Variants in EXOC6B observed in about 807,000 individuals in gnomAD.
EXOC6B encodes exocyst complex component 6B, also known as SEC15 homolog B.
In EXOC6B, 54 loss-of-function variants were observed where a neutral mutation model predicts 113.5. That is an observed-to-expected ratio of 0.48 (90% CI 0.38 to 0.60). EXOC6B has a LOEUF of 0.60. Ranked by LOEUF, EXOC6B falls within the 20% of genes least tolerant of loss-of-function variation. The pLI, the probability that EXOC6B is intolerant of heterozygous loss-of-function variation, is 0.00. For synonymous variants in EXOC6B, 357 were observed against 339.0 expected (o/e 1.05, Z -0.58); for missense variants, 797 against 977.5 (o/e 0.82, Z 2.46).
chr2:72,624,457 T>G (rs1671930789), intron 6 of EXOC6B, among the ~76,000 whole-genome samples: 1 of 152,138 alleles, frequency 6.6e-6, no homozygotes, highest in Non-Finnish European at 1.5e-5. Context: ...TGCTCTGATT[T>G]TGACCGGGTG....
chr2:72,349,014 C>G (rs910482561), intron 19 of EXOC6B, among the ~76,000 whole-genome samples: 1 of 152,172 alleles, frequency 6.6e-6, no homozygotes, highest in Admixed American at 6.6e-5. Context: ...GTCTCATACT[C>G]TAAATTAATG....
intron 18 of EXOC6B, among the ~76,000 whole-genome samples, chr2:72,405,642 A>G (rs985702871): frequency 1.2e-4 from 18 of 152,206 alleles, no homozygotes; most frequent in African/African-American, 4.3e-4. Context: ...CTTTACAGAC[A>G]AGCAAATGCT....
chr2:72,301,664 T>C (rs1300604030), intron 20 of EXOC6B, among the ~76,000 whole-genome samples: 1 of 152,038 alleles, frequency 6.6e-6, no homozygotes, highest in African/African-American at 2.4e-5. Context: ...CTGATGGTTA[T>C]TTGTATTTTT....
intron 20 of EXOC6B, among the ~76,000 whole-genome samples, chr2:72,202,064 C>A (rs1273195123): frequency 6.6e-6 from 1 of 152,142 alleles, no homozygotes; most frequent in Admixed American, 6.5e-5. Context: ...TCTTGTGTGG[C>A]TAAGCAATAA....
rs190753031 is a variant in EXOC6B, at chr2:72,370,065, T to C, written c.2122+9664A>G. ...ACAGCAAAAGGAACTAACATCAGAG[T>C]GAACAGGCAACCTACAGAATGGGAA... is the stretch of plus-strand genomic sequence containing the variant. On this transcript the variant is annotated intron_variant, in intron 19 of 21. Transcript: ENST00000272427. Among the ~76,000 whole-genome samples the C allele has an allele frequency of 4.0e-3, 611 of 152,024 alleles. 1 individual carries two copies. The highest frequency in any genetic ancestry group is 0.01 in the South Asian group (50 of 4,804).
At chr2:72,196,265 T>G (rs76016144) in intron 20 of EXOC6B, among the ~76,000 whole-genome samples, 3,015 of 152,298 alleles carry the variant, frequency 0.02, 91 homozygotes, top group African/African-American at 0.066. Flanking sequence ...TATGAGTCAT[T>G]ATTACAAATT....
chr2:72,739,693 T>C (rs893705829), intron 2 of EXOC6B, among the ~76,000 whole-genome samples: 2 of 152,144 alleles, frequency 1.3e-5, no homozygotes, highest in Admixed American at 6.5e-5. Flanking sequence ...AATTTCAATA[T>C]GTTGAATAAG....
At chr2:72,311,059 T>G (rs1243730439) in intron 20 of EXOC6B, among the ~76,000 whole-genome samples, 1 of 152,340 alleles carries the variant, frequency 6.6e-6, no homozygotes, top group Non-Finnish European at 1.5e-5. Context: ...TGCATTCTGC[T>G]ATTGTATAGA....
chr2:72,550,603 C>A (rs1212378317), intron 8 of EXOC6B, among the ~76,000 whole-genome samples: 2 of 152,246 alleles, frequency 1.3e-5, no homozygotes, highest in South Asian at 4.1e-4. Context: ...AATACTTCAA[C>A]AGTAGGGAAT....
chr2:72,458,744 TA>T (rs1377067500), intron 18 of EXOC6B, among the ~76,000 whole-genome samples: 7 of 152,058 alleles, frequency 4.6e-5, no homozygotes, highest in Non-Finnish European at 7.4e-5. Flanking sequence ...ACTCTACAGG[TA>T]AAAGCATGCA....
intron 1 of EXOC6B, among the ~76,000 whole-genome samples, chr2:72,776,295 A>G (rs2104968529): frequency 6.6e-6 from 1 of 152,306 alleles, no homozygotes; most frequent in East Asian, 1.9e-4. Context: ...CCACAAAGAA[A>G]AAGACTGGTC....
At chr2:72,560,110 G>A (rs922202237) in intron 7 of EXOC6B, among the ~76,000 whole-genome samples, 3 of 151,988 alleles carry the variant, frequency 2.0e-5, no homozygotes, top group Admixed American at 1.3e-4. Context: ...TAATACCAAC[G>A]TATTTTAATG....
chr2:72,445,382 T>G (rs940205408), intron 18 of EXOC6B, among the ~76,000 whole-genome samples: 1 of 152,154 alleles, frequency 6.6e-6, no homozygotes, highest in African/African-American at 2.4e-5. Context: ...TGTTCCAACC[T>G]CTGCCCATTA....
chr2:72,395,053 C>T (rs1295752885), intron 18 of EXOC6B, among the ~76,000 whole-genome samples: 1 of 151,122 alleles, frequency 6.6e-6, no homozygotes, highest in Non-Finnish European at 1.5e-5. Flanking sequence ...ACTACTAGAA[C>T]AAAAAAGAGA....
chr2:72,802,383 T>C (rs1685335690), intron 1 of EXOC6B, among the ~76,000 whole-genome samples: 1 of 151,910 alleles, frequency 6.6e-6, no homozygotes, highest in Non-Finnish European at 1.5e-5. Context: ...ACCACTATCA[T>C]TGGCTAAATA....
chr2:72,406,245 A>T (rs999822451), intron 18 of EXOC6B, among the ~76,000 whole-genome samples: 5 of 152,144 alleles, frequency 3.3e-5, no homozygotes, highest in African/African-American at 9.7e-5. Context: ...CTCCCACACA[A>T]TAATAATGGG....
intron 6 of EXOC6B, among the ~76,000 whole-genome samples, chr2:72,703,941 C>G (rs987749154): frequency 1.3e-5 from 2 of 151,934 alleles, no homozygotes; most frequent in Non-Finnish European, 2.9e-5. Context: ...ATTGCCCTGG[C>G]CAGAACTTCC....
chr2:72,249,415 C>T (rs1014084668), intron 20 of EXOC6B, among the ~76,000 whole-genome samples: 13 of 152,006 alleles, frequency 8.6e-5, no homozygotes, highest in East Asian at 3.9e-4. Context: ...CCACTACACC[C>T]GGCTAATTTT....
intron 6 of EXOC6B, among the ~76,000 whole-genome samples, chr2:72,620,695 A>C (rs922704514): frequency 6.6e-5 from 10 of 152,004 alleles, no homozygotes; most frequent in Admixed American, 6.6e-4. Context: ...ACAGCAAAAG[A>C]AACTATCAAC....
Sources: allele counts gnomAD v4.1 joint callset (sites outside exome capture counted in the v4.1 genomes callset), GRCh38; gene constraint gnomAD v4.1.1; transcripts MANE v1.5; gene names NCBI Gene and HGNC (gene_info 2026-07-23, HGNC 2026-07-21).